Variants in PCDH7 observed in about 807,000 individuals in gnomAD.
The protein encoded by PCDH7 is protocadherin 7.
Under a neutral mutation model 58.9 loss-of-function variants are expected in PCDH7, and 17 were observed. That is an observed-to-expected ratio of 0.29 (90% CI 0.20 to 0.43). The LOEUF (loss-of-function observed/expected upper bound fraction) is 0.43. PCDH7 is among the 20% of genes least tolerant of loss of function. The pLI is 1.00. For synonymous variants in PCDH7, 664 were observed against 616.4 expected, an observed-to-expected ratio of 1.08 and a Z score of -1.14; for missense variants, 1,274 against 1,441.0, an observed-to-expected ratio of 0.88 and a Z score of 1.88.
At position 30,968,394 on chromosome 4, in the gene PCDH7, A is replaced by AC. The variant is rs1205256747; in HGVS notation, c.*7+18179_*7+18180insC. Among the ~76,000 whole-genome samples, 37 of 56,124 alleles carry AC rather than the reference A, an allele frequency of 6.6e-4. 1 individual carries two copies. Among genetic ancestry groups the AC allele is most frequent in the African/African-American group, 4.2e-3 (35 of 8,380 alleles). The allele number at this position is 56,124 out of a possible 152,430, so 36.8% of individuals were successfully genotyped here. A position where few individuals can be genotyped will look rare whatever the true frequency, so the allele number is the denominator to read the frequency against. ...ACACACACTATATATATATATATAT[A>AC]TATATATATATATATATATATGGGA... On this transcript the variant is annotated intron_variant, in intron 3 of 3. Transcript: ENST00000509759.
intron 1 of PCDH7, among the ~76,000 whole-genome samples, chr4:30,848,565 C>G (rs1181297831): frequency 6.6e-6 from 1 of 152,104 alleles, no homozygotes; most frequent in African/African-American, 2.4e-5. Context: ...CTAAATTAGT[C>G]TGGCATAAAC....
downstream of PCDH7, among the ~76,000 whole-genome samples, chr4:30,735,024 T>G (rs1265889774): frequency 2.0e-5 from 3 of 151,972 alleles, no homozygotes; most frequent in Non-Finnish European, 4.4e-5. Context: ...TCCCTTCTTC[T>G]CCTTGGTGGT....
At chr4:30,872,266 T>G (rs1735713303) in intron 1 of PCDH7, among the ~76,000 whole-genome samples, 1 of 152,074 alleles carries the variant, frequency 6.6e-6, no homozygotes, top group Non-Finnish European at 1.5e-5. Context: ...AGGGACAACT[T>G]AGACCAGGGA....
At chr4:31,098,236 G>A (rs776489306) in intron 3 of PCDH7, among the ~76,000 whole-genome samples, 14 of 152,260 alleles carry the variant, frequency 9.2e-5, no homozygotes, top group South Asian at 2.1e-4. Flanking sequence ...TATCATCTTC[G>A]GGGGTATTTT....
At chr4:31,070,436 C>A (rs1473642651) in intron 3 of PCDH7, among the ~76,000 whole-genome samples, 3 of 152,024 alleles carry the variant, frequency 2.0e-5, no homozygotes, top group Non-Finnish European at 2.9e-5. Flanking sequence ...TAATAGAATT[C>A]CCTCTAGAAT....
intron 3 of PCDH7, among the ~76,000 whole-genome samples, chr4:31,068,666 C>T (rs939999636): frequency 6.6e-6 from 1 of 151,954 alleles, no homozygotes; most frequent in Non-Finnish European, 1.5e-5. Context: ...TCATAACTGT[C>T]GAGGGATTCC....
At chr4:31,118,544 G>GA (rs924759872) in intron 3 of PCDH7, among the ~76,000 whole-genome samples, 8 of 151,266 alleles carry the variant, frequency 5.3e-5, no homozygotes, top group East Asian at 1.9e-4. Flanking sequence ...TCCTAAAAAA[G>GA]AAAAAAAAGA....
At chr4:30,817,979 C>A (rs1490395072) in intron 1 of PCDH7, among the ~76,000 whole-genome samples, 1 of 152,132 alleles carries the variant, frequency 6.6e-6, no homozygotes, top group African/African-American at 2.4e-5. Flanking sequence ...CAAGTCCACT[C>A]CTGCCACATT....
At position 30,806,760 on chromosome 4, in the gene PCDH7, C is replaced by G. The variant is rs74723691; in HGVS notation, c.70+82164C>G. Among the ~76,000 whole-genome samples, 496 of 151,852 alleles carry G rather than the reference C, an allele frequency of 3.3e-3. 3 individuals are homozygous for G. Among genetic ancestry groups the G allele is most frequent in the African/African-American group, 0.011 (470 of 41,384 alleles). On this transcript the variant is annotated intron_variant, in intron 1 of 3. Coordinates refer to the PCDH7 transcript ENST00000509759. Reference sequence around the variant, plus strand: ...TCTCTGACTACTTTCTGTCAAAATACTCTATTTTCTATTTTCTGTAGCATT... The same window carrying G: ...TCTCTGACTACTTTCTGTCAAAATAGTCTATTTTCTATTTTCTGTAGCATT...
chr4:30,807,227 A>T (rs1173414334), intron 1 of PCDH7, among the ~76,000 whole-genome samples: 1 of 152,184 alleles, frequency 6.6e-6, no homozygotes, highest in Non-Finnish European at 1.5e-5. Flanking sequence ...TGAATCACAA[A>T]TTATTTTATT....
At chr4:30,986,382 A>C (rs974354793) in intron 3 of PCDH7, among the ~76,000 whole-genome samples, 3 of 152,152 alleles carry the variant, frequency 2.0e-5, no homozygotes, top group African/African-American at 7.2e-5. Flanking sequence ...GTTTGTAGCT[A>C]TGAGTGCCTT....
intron 3 of PCDH7, among the ~76,000 whole-genome samples, chr4:31,017,332 A>G (rs1369355186): frequency 1.3e-5 from 2 of 152,150 alleles, no homozygotes; most frequent in African/African-American, 4.8e-5. Flanking sequence ...CATCCATTTG[A>G]TGCACAGCAT....
intron 1 of PCDH7, among the ~76,000 whole-genome samples, chr4:30,756,135 T>A (rs144872342): frequency 1.3e-5 from 2 of 151,970 alleles, no homozygotes; most frequent in Non-Finnish European, 2.9e-5. Flanking sequence ...AGTGGAAACA[T>A]GCACCTGTGA....
chr4:30,799,098 T>C lies in PCDH7; in HGVS notation c.70+74502T>C, dbSNP rs182706237. Among the ~76,000 whole-genome samples, 9 of 152,334 alleles carry C rather than the reference T, an allele frequency of 5.9e-5. No homozygotes were observed. The East Asian group carries it at 1.7e-3, about 29-fold the overall frequency. On this transcript the variant is annotated intron_variant, in intron 1 of 3. Transcript: ENST00000509759. Reference sequence around the variant, plus strand: ...TCATCAATATCGGAGACATAGTCTGTAGAGTTACTTTTCTTTCTCCTTTCT... The same window carrying C: ...TCATCAATATCGGAGACATAGTCTGCAGAGTTACTTTTCTTTCTCCTTTCT...
At chr4:30,736,049 T>C (rs1406404961), downstream of PCDH7, among the ~76,000 whole-genome samples, 1 of 152,198 alleles carries the variant, frequency 6.6e-6, no homozygotes, top group Non-Finnish European at 1.5e-5. Flanking sequence ...AAAAACTGCG[T>C]GGCACCATAC....
intron 3 of PCDH7, among the ~76,000 whole-genome samples, chr4:31,090,244 A>G (rs1375606643): frequency 1.3e-5 from 2 of 152,038 alleles, no homozygotes; most frequent in Admixed American, 6.6e-5. Context: ...CTTTATGAAA[A>G]AAAAGGAATT....
chr4:30,795,368 A>G (rs1335885521), intron 1 of PCDH7, among the ~76,000 whole-genome samples: 3 of 151,784 alleles, frequency 2.0e-5, no homozygotes, highest in Non-Finnish European at 4.4e-5. Flanking sequence ...TATGACATAC[A>G]CAATATAATA....
chr4:30,848,925 T>C (rs182689844), intron 1 of PCDH7, among the ~76,000 whole-genome samples: 1 of 152,226 alleles, frequency 6.6e-6, no homozygotes, highest in Admixed American at 6.6e-5. Context: ...TTATTACTAA[T>C]TATAAAATGG....
At chr4:30,898,200 C>A (rs1739702542) in intron 1 of PCDH7, among the ~76,000 whole-genome samples, 1 of 152,050 alleles carries the variant, frequency 6.6e-6, no homozygotes, top group South Asian at 2.1e-4. Context: ...ATTTGAGGGG[C>A]CTTTATTTTT....
Sources: allele counts gnomAD v4.1 joint callset (sites outside exome capture counted in the v4.1 genomes callset), GRCh38; gene constraint gnomAD v4.1.1; transcripts MANE v1.5; gene names NCBI Gene and HGNC (gene_info 2026-07-23, HGNC 2026-07-21).